The following CC2D2A variants were observed in gnomAD, a reference collection of about 807,000 sequenced individuals.
The protein encoded by CC2D2A is coiled-coil and C2 domain containing 2A.
Under a neutral mutation model 212.9 loss-of-function variants are expected in CC2D2A, and 155 were observed. The ratio of observed to expected loss-of-function variants is 0.73; its 90% confidence interval spans 0.64 to 0.83. The LOEUF (loss-of-function observed/expected upper bound fraction) is 0.83, where lower values mean the gene tolerates loss of function less well. Among genes scored for constraint, CC2D2A ranks in the 40% least tolerant of loss-of-function variants. The pLI, the probability that CC2D2A is intolerant of heterozygous loss-of-function variation, is 0.00. For synonymous variants in CC2D2A, 667 were observed against 686.5 expected (o/e 0.97, Z 0.44); for missense variants, 1,856 against 1,956.2 (o/e 0.95, Z 0.97).
chr4:15,492,722 CT>C, intron 4 of CC2D2A: 1 of 801,328 alleles, frequency 1.2e-6, no homozygotes, highest in Non-Finnish European at 2.0e-6. Context: ...GTCCAGGGGT[CT>C]TACTCCTTGG....
intron 8 of CC2D2A, among the ~76,000 whole-genome samples, chr4:15,513,697 T>C (rs942648832): frequency 2.0e-5 from 3 of 152,232 alleles, no homozygotes; most frequent in Non-Finnish European, 4.4e-5. Flanking sequence ...GCAGTTTTTC[T>C]CTGGGTGATT....
At chr4:15,528,779 T>C (rs1173056885) in intron 13 of CC2D2A, 53 bp downstream of exon 13, 3 of 1,231,776 alleles carry the variant, frequency 2.4e-6, no homozygotes, top group Non-Finnish European at 3.5e-6. Flanking sequence ...GATGTGCACT[T>C]GTTAGAGTTT....
chr4:15,527,802 G>A (rs1241943449), intron 12 of CC2D2A, 146 bp downstream of exon 12: 1 of 654,886 alleles, frequency 1.5e-6, no homozygotes, highest in African/African-American at 1.8e-5. Context: ...TATCCAGCTA[G>A]AGACAAAAGG....
chr4:15,551,474 T>A (rs1719004193), intron 18 of CC2D2A, among the ~76,000 whole-genome samples: 1 of 152,212 alleles, frequency 6.6e-6, no homozygotes, highest in Non-Finnish European at 1.5e-5. Flanking sequence ...ACCTTTGCTG[T>A]CTTTTTCTTT....
chr4:15,579,275 G>A (rs181240211), intron 29 of CC2D2A, among the ~76,000 whole-genome samples: 67 of 152,012 alleles, frequency 4.4e-4, no homozygotes, highest in Admixed American at 3.3e-3. Context: ...GGTACAGTAA[G>A]CTGTGTTTGT....
chr4:15,515,618 T>A (rs969359698), intron 9 of CC2D2A, among the ~76,000 whole-genome samples: 8 of 152,216 alleles, frequency 5.3e-5, no homozygotes, highest in Non-Finnish European at 1.0e-4. Flanking sequence ...ACTACCTTCT[T>A]CTCAGTATGC....
intron 28 of CC2D2A, among the ~76,000 whole-genome samples, chr4:15,571,661 C>T (rs983492403): frequency 1.3e-5 from 2 of 151,544 alleles, no homozygotes; most frequent in African/African-American, 4.8e-5. Context: ...TGGTTGGTAT[C>T]CCAAGAATCA....
intron 33 of CC2D2A, among the ~76,000 whole-genome samples, chr4:15,594,782 TC>T (rs1364355032): frequency 2.0e-5 from 3 of 152,166 alleles, no homozygotes; most frequent in African/African-American, 7.2e-5. Context: ...TCATCTGTTA[TC>T]CCATGTGTCT....
chr4:15,503,683 TG>T (rs746234520), intron 6 of CC2D2A, among the ~76,000 whole-genome samples: 11 of 152,118 alleles, frequency 7.2e-5, no homozygotes, highest in Non-Finnish European at 7.4e-5. Context: ...CTACAAGCCA[TG>T]GAAAGCTATT....
At chr4:15,565,925 T>C (rs1466407951) in intron 24 of CC2D2A, among the ~76,000 whole-genome samples, 1 of 152,190 alleles carries the variant, frequency 6.6e-6, no homozygotes, top group Non-Finnish European at 1.5e-5. Flanking sequence ...AGTGTTTGTT[T>C]AATAAAGTAA....
At position 15,550,966 on chromosome 4, in the gene CC2D2A, AG is replaced by A; in HGVS notation, c.2327del (p.Gly776GlufsTer18). 3 of 1,596,294 alleles carry A rather than the reference AG, an allele frequency of 1.9e-6. No individual in the cohort carries two copies. Among genetic ancestry groups the A allele is most frequent in the East Asian group, 2.2e-5 (1 of 44,650 alleles). ...SSNQHVTLDH[E>X]GVGSGVPFSF... ...AATCAGCATGTGACACTGGACCACG[AG>A]GGAGTTGGAAGTGGTATGGAAAGCT... On this transcript the variant is annotated frameshift_variant, in exon 18 of 37. Transcript: ENST00000424120. LOFTEE classifies it high-confidence loss of function.
chr4:15,547,214 G>T lies in CC2D2A; in HGVS notation c.2182-3610G>T, dbSNP rs185326525. 3.9e-5 allele frequency among the ~76,000 whole-genome samples: 6 copies of T among 152,134 alleles called. No individual in the cohort carries two copies. The East Asian group carries it at 1.2e-3, about 29-fold the overall frequency. Reference sequence around the variant, plus strand: ...CATAATAATTGTATGTATTTATGGGGTACATGTGGTATTTTGATACATGAA... The same window carrying T: ...CATAATAATTGTATGTATTTATGGGTTACATGTGGTATTTTGATACATGAA... On this transcript the variant is annotated intron_variant, in intron 17 of 36. Coordinates refer to ENST00000424120, the MANE Select transcript of CC2D2A (RefSeq NM_001378615.1).
intron 17 of CC2D2A, among the ~76,000 whole-genome samples, chr4:15,541,420 T>C (rs1364024902): frequency 6.6e-6 from 1 of 152,186 alleles, no homozygotes; most frequent in Admixed American, 6.5e-5. Flanking sequence ...CCATTGGTTA[T>C]AAATATGTCT....
chr4:15,480,832 G>GT lies in CC2D2A; in HGVS notation c.247+6dup. 1 of 1,610,586 alleles carries GT rather than the reference G, an allele frequency of 6.2e-7. No homozygotes were observed. On this transcript the variant is annotated splice_donor_region_variant and intron_variant, in intron 4 of 36. Coordinates refer to ENST00000424120, the MANE Select transcript of CC2D2A (RefSeq NM_001378615.1). ...CAGTCCGGAGAGGCCCACGGAGTAA[G>GT]TGCCCCTCTTCCATTCAGCTACTGC...
intron 4 of CC2D2A, among the ~76,000 whole-genome samples, chr4:15,497,880 C>T (rs189782546): frequency 6.6e-6 from 1 of 152,254 alleles, no homozygotes; most frequent in Admixed American, 6.5e-5. Context: ...GTCAATAAAA[C>T]TGTTATTAAT....
At chr4:15,504,366 A>G (rs925014550) in intron 6 of CC2D2A, among the ~76,000 whole-genome samples, 1 of 152,214 alleles carries the variant, frequency 6.6e-6, no homozygotes, top group African/African-American at 2.4e-5. Flanking sequence ...TACAAAAGCC[A>G]TAATTTAAAA....
At chr4:15,598,872 T>C (rs1411786419) in intron 35 of CC2D2A, among the ~76,000 whole-genome samples, 2 of 152,100 alleles carry the variant, frequency 1.3e-5, no homozygotes, top group Non-Finnish European at 2.9e-5. Context: ...CAAAAAAACA[T>C]TTCATGGCCA....
intron 18 of CC2D2A, among the ~76,000 whole-genome samples, chr4:15,552,014 A>G (rs1445032206): frequency 6.6e-6 from 1 of 152,200 alleles, no homozygotes; most frequent in Non-Finnish European, 1.5e-5. Flanking sequence ...GGATCTATTA[A>G]TAGCTCCTTT....
chr4:15,584,657 C>CA (rs772515835), intron 30 of CC2D2A, among the ~76,000 whole-genome samples: 1 of 152,004 alleles, frequency 6.6e-6, no homozygotes, highest in African/African-American at 2.4e-5. Context: ...GAGATTACAT[C>CA]AATCTAAAAA....
Sources: gnomAD v4.1 joint callset for allele counts (sites outside exome capture counted in the v4.1 genomes callset) on GRCh38, gnomAD v4.1.1 for gene constraint, MANE v1.5 for transcripts, NCBI Gene and HGNC (gene_info 2026-07-23, HGNC 2026-07-21) for gene names.